Variants in CCSER1 observed in about 807,000 individuals in gnomAD.
CCSER1 encodes coiled-coil serine rich protein 1, also known as serine-rich coiled-coil domain-containing protein 1.
Under a neutral mutation model 82.0 loss-of-function variants are expected in CCSER1, and 41 were observed. The observed-to-expected ratio is 0.50, with a 90% CI of 0.39 to 0.65. The LOEUF is 0.65. Among genes scored for constraint, CCSER1 ranks in the 30% least tolerant of loss-of-function variants. The probability of loss-of-function intolerance (pLI) is 0.00; values close to 1 mark genes in which losing one functional copy is unlikely to be tolerated. For missense variants in CCSER1, 1,119 were observed against 1,064.2 expected (o/e 1.05, Z -0.72); for synonymous variants, 414 against 383.9 (o/e 1.08, Z -0.92).
intron 8 of CCSER1, among the ~76,000 whole-genome samples, chr4:90,816,105 T>C (rs1758974934): frequency 6.6e-6 from 1 of 152,222 alleles, no homozygotes; most frequent in Non-Finnish European, 1.5e-5. Flanking sequence ...AACATTTCGG[T>C]TGTATCTATC....
At chr4:91,452,648 G>A (rs563408539) in intron 10 of CCSER1, among the ~76,000 whole-genome samples, 216 of 152,122 alleles carry the variant, frequency 1.4e-3, no homozygotes, top group Middle Eastern at 3.4e-3. Context: ...GCTAAAGATG[G>A]AAAATGAAAT....
intron 5 of CCSER1, among the ~76,000 whole-genome samples, chr4:90,545,822 C>T (rs899279648): frequency 7.9e-5 from 12 of 152,146 alleles, no homozygotes; most frequent in Admixed American, 2.6e-4. Context: ...ACATAGTTTC[C>T]TTTAAAACAA....
intron 10 of CCSER1, among the ~76,000 whole-genome samples, chr4:91,311,969 A>G (rs1390990952): frequency 6.6e-6 from 1 of 151,912 alleles, no homozygotes; most frequent in African/African-American, 2.4e-5. Context: ...AACAGGACTA[A>G]TGATTTAGTT....
At chr4:91,403,329 T>C (rs1181520531) in intron 10 of CCSER1, among the ~76,000 whole-genome samples, 1 of 152,212 alleles carries the variant, frequency 6.6e-6, no homozygotes, top group Non-Finnish European at 1.5e-5. Context: ...TATACAATCT[T>C]GTCATCTGCA....
chr4:90,789,003 CACAT>C (rs912776220), intron 7 of CCSER1, among the ~76,000 whole-genome samples: 2 of 99,336 alleles, frequency 2.0e-5, no homozygotes, highest in African/African-American at 8.5e-5. Context: ...TTCTATCTAA[CACAT>C]ACACACACAC....
Position 90,446,529 on chromosome 4 carries a change from G to C in CCSER1, c.1604-21705G>C, listed in dbSNP as rs531660189. Among the ~76,000 whole-genome samples the C allele has an allele frequency of 2.6e-5, 4 of 152,258 alleles. No individual in the cohort carries two copies. In the South Asian group the frequency reaches 6.2e-4, roughly 24 times the overall value. Reference sequence around the variant, plus strand: ...TTTATTTTGGTCAGCCCAAAAGGTAGTGCAAGGAAGGAGCAGAGAAAAGGA... The same window carrying C: ...TTTATTTTGGTCAGCCCAAAAGGTACTGCAAGGAAGGAGCAGAGAAAAGGA... On this transcript the variant is annotated intron_variant, in intron 4 of 10. Transcript: ENST00000509176.
intron 1 of CCSER1, among the ~76,000 whole-genome samples, chr4:90,206,239 G>C (rs1738804518): frequency 6.6e-6 from 1 of 152,024 alleles, no homozygotes; most frequent in South Asian, 2.1e-4. Context: ...TCTTCTGCTA[G>C]CTTTTGAATT....
intron 6 of CCSER1, among the ~76,000 whole-genome samples, chr4:90,639,410 A>G (rs1726073705): frequency 6.6e-6 from 1 of 152,074 alleles, no homozygotes; most frequent in Non-Finnish European, 1.5e-5. Flanking sequence ...GACATACTCA[A>G]TTATGGCAGC....
chr4:90,733,862 T>C (rs184478517), intron 7 of CCSER1, among the ~76,000 whole-genome samples: 272 of 152,164 alleles, frequency 1.8e-3, no homozygotes, highest in African/African-American at 6.4e-3. Context: ...CTGGGTTCTC[T>C]ATTCTGTCCC....
At chr4:91,319,329 T>G (rs538085398) in intron 10 of CCSER1, among the ~76,000 whole-genome samples, 1 of 152,054 alleles carries the variant, frequency 6.6e-6, no homozygotes, top group African/African-American at 2.4e-5. Context: ...AGTAGCAGGA[T>G]GTACTATTGA....
chr4:91,169,073 GGACCTCTGCCTAGGAAAACCAGA>G (rs1184069881), intron 10 of CCSER1, among the ~76,000 whole-genome samples: 1 of 151,796 alleles, frequency 6.6e-6, no homozygotes, highest in East Asian at 1.9e-4. Context: ...AAGGCCACAG[GGACCTCTGCCTAGGAAAACCAGA>G]GACCTTTGTT....
At chr4:90,847,545 C>A (rs1426401062) in intron 8 of CCSER1, among the ~76,000 whole-genome samples, 1 of 152,058 alleles carries the variant, frequency 6.6e-6, no homozygotes, top group Non-Finnish European at 1.5e-5. Context: ...ACATTAAAAT[C>A]TTTCTTTAGT....
chr4:90,195,429 C>A (rs146499778), intron 1 of CCSER1, among the ~76,000 whole-genome samples: 1 of 152,016 alleles, frequency 6.6e-6, no homozygotes, highest in African/African-American at 2.4e-5. Context: ...GTAAAATGAT[C>A]AGTGGTTTCC....
In CCSER1 at chr4:90,706,101, C is replaced by A. The variant is rs74490394; in HGVS notation, c.1933-17813C>A. The stretch of plus-strand genomic sequence containing the variant: ...GCTGTAGACTGGAGCTGTTCCTATT[C>A]AGCCATCTTGGAACCACTCCCTATG... On this transcript the variant is annotated intron_variant, in intron 6 of 10. Transcript: ENST00000509176. Among the ~76,000 whole-genome samples, 1,183 of 152,250 alleles carry A rather than the reference C, an allele frequency of 7.8e-3. 14 individuals are homozygous for A. The highest frequency in any genetic ancestry group is 0.027 in the African/African-American group (1,135 of 41,540).
At chr4:90,788,830 T>G (rs1166640951) in intron 7 of CCSER1, among the ~76,000 whole-genome samples, 1 of 152,144 alleles carries the variant, frequency 6.6e-6, no homozygotes, top group East Asian at 1.9e-4. Flanking sequence ...CAATAAAAGA[T>G]TAGTTTATTT....
chr4:90,392,904 G>A (rs866714547), intron 3 of CCSER1, among the ~76,000 whole-genome samples: 3 of 152,240 alleles, frequency 2.0e-5, no homozygotes, highest in African/African-American at 7.2e-5. Context: ...ACTATCCTCA[G>A]AGCAGTAATT....
At chr4:90,559,766 C>T (rs1307813924) in intron 5 of CCSER1, among the ~76,000 whole-genome samples, 7 of 143,746 alleles carry the variant, frequency 4.9e-5, no homozygotes, top group African/African-American at 1.3e-4. Flanking sequence ...GCCGAGATCG[C>T]GCCACTGCAC....
intron 7 of CCSER1, among the ~76,000 whole-genome samples, chr4:90,751,513 A>G (rs1240897602): frequency 6.6e-6 from 1 of 152,140 alleles, no homozygotes; most frequent in East Asian, 1.9e-4. Flanking sequence ...AAAAGTACAC[A>G]GAAACATCAA....
chr4:91,553,608 A>C (rs574001793), intron 10 of CCSER1, among the ~76,000 whole-genome samples: 1 of 151,014 alleles, frequency 6.6e-6, no homozygotes, highest in Admixed American at 6.6e-5. Flanking sequence ...ACTTATTATT[A>C]GCTTTTTCAA....
Sources: gnomAD v4.1 joint callset for allele counts (sites outside exome capture counted in the v4.1 genomes callset) on GRCh38, gnomAD v4.1.1 for gene constraint, MANE v1.5 for transcripts, NCBI Gene and HGNC (gene_info 2026-07-23, HGNC 2026-07-21) for gene names.